The following ZPBP variants were observed in gnomAD, a reference collection of about 807,000 sequenced individuals.
ZPBP encodes zona pellucida binding protein.
ZPBP carries 26 observed loss-of-function variants against 44.8 expected under a neutral mutation model. The observed-to-expected ratio is 0.58, with a 90% CI of 0.43 to 0.81. The LOEUF (loss-of-function observed/expected upper bound fraction) is 0.81. Among genes scored for constraint, ZPBP ranks in the 30% least tolerant of loss-of-function variants. ZPBP has a pLI of 0.00. For synonymous variants in ZPBP, 174 were observed against 153.2 expected, an observed-to-expected ratio of 1.14 and a Z score of -1.00; for missense variants, 409 against 434.0, an observed-to-expected ratio of 0.94 and a Z score of 0.51.
intron 5 of ZPBP, among the ~76,000 whole-genome samples, chr7:50,021,685 A>G (rs1360477038): frequency 6.6e-6 from 1 of 152,138 alleles, no homozygotes; most frequent in Non-Finnish European, 1.5e-5. Context: ...GGGTAAATAC[A>G]AGGAATCCCA....
chr7:50,060,133 T>C (rs1163099909), intron 3 of ZPBP, among the ~76,000 whole-genome samples: 1 of 152,162 alleles, frequency 6.6e-6, no homozygotes, highest in Admixed American at 6.5e-5. Flanking sequence ...CCACTCTCAC[T>C]ATGGAACTCT....
intron 3 of ZPBP, among the ~76,000 whole-genome samples, chr7:50,065,255 C>T (rs1801443327): frequency 7.2e-6 from 1 of 139,010 alleles, no homozygotes; most frequent in Admixed American, 6.9e-5. Context: ...TGCCCTCATC[C>T]ATTTAGCCAG....
chr7:50,080,540 A>C (rs1282699398), intron 3 of ZPBP, among the ~76,000 whole-genome samples: 1 of 151,706 alleles, frequency 6.6e-6, no homozygotes, highest in East Asian at 1.9e-4. Context: ...TCAAATTTCA[A>C]TTTCCAAATC....
chr7:50,070,536 C>T (rs892072502), intron 3 of ZPBP, among the ~76,000 whole-genome samples: 1 of 152,110 alleles, frequency 6.6e-6, no homozygotes, highest in Non-Finnish European at 1.5e-5. Flanking sequence ...GTCCCACAGG[C>T]AAAGGAGACA....
rs1235390157 is a variant in ZPBP at position 50,058,079 on chromosome 7, T to C, written c.397A>G (p.Ser133Gly). The change falls in exon 4 of 8, where the codon AGT becomes GGT. Residue 133 changes from serine (S) to glycine (G), a missense_variant. Around this residue, in one of 2 missense-constraint regions of ZPBP, gnomAD observed 367 missense variants for 363.1 expected, o/e 1.01. Coordinates refer to ENST00000046087, the MANE Select transcript of ZPBP (RefSeq NM_007009.3). ...GSLVFQNFEE[S>G]MSGIYTCFLE... The stretch of plus-strand genomic sequence containing the variant: ...AAACATGTATAAATTCCACTCATAC[T>C]CTCCTCAAAATTTTGGAATACAAGG... 5.0e-6 allele frequency: 8 copies of C among 1,613,716 alleles called. No homozygotes were observed. The highest frequency in any genetic ancestry group is 2.2e-5 in the East Asian group (1 of 44,856).
intron 2 of ZPBP, among the ~76,000 whole-genome samples, chr7:49,893,780 G>T (rs1162753821): frequency 1.3e-5 from 2 of 152,018 alleles, no homozygotes; most frequent in Admixed American, 1.3e-4. Context: ...AGTCAGAGCT[G>T]GTGCTAAGGA....
intron 1 of ZPBP, among the ~76,000 whole-genome samples, chr7:49,909,246 T>C (rs1793270346): frequency 6.6e-6 from 1 of 152,184 alleles, no homozygotes; most frequent in African/African-American, 2.4e-5. Context: ...GGCTTCTCTG[T>C]GCAAAGCACG....
intron 4 of ZPBP, among the ~76,000 whole-genome samples, chr7:50,040,087 A>C (rs760303905): frequency 6.6e-6 from 1 of 152,226 alleles, no homozygotes; most frequent in Non-Finnish European, 1.5e-5. Flanking sequence ...ACACATGAAG[A>C]ATATGGAAAC....
At chr7:50,078,797 G>A (rs1174433517) in intron 3 of ZPBP, among the ~76,000 whole-genome samples, 2 of 150,882 alleles carry the variant, frequency 1.3e-5, no homozygotes, top group African/African-American at 4.9e-5. Flanking sequence ...GGGAGAAAAT[G>A]TTTGCAAACT....
intron 5 of ZPBP, among the ~76,000 whole-genome samples, chr7:50,027,811 C>T (rs1022757199): frequency 1.3e-5 from 2 of 151,816 alleles, no homozygotes; most frequent in African/African-American, 4.8e-5. Flanking sequence ...AATTAAGTAA[C>T]CTAAATGAAA....
At chr7:49,905,826 G>A (rs769093146) in intron 1 of ZPBP, among the ~76,000 whole-genome samples, 15 of 152,212 alleles carry the variant, frequency 9.9e-5, no homozygotes, top group Non-Finnish European at 2.1e-4. Context: ...AAAACAGGCT[G>A]CAGTAAAGAA....
chr7:49,852,563 A>G lies in ZPBP; in HGVS notation n.510-2049T>C, dbSNP rs546052726. ...GAAGATCATACCTGGGGATAATGCT[A>G]TTTAGTGGTTTTTCCTGTTTCTGTG... On this transcript the variant is annotated intron_variant and non_coding_transcript_variant, in intron 2 of 2. Transcript: ENST00000465922. 4.0e-5 allele frequency among the ~76,000 whole-genome samples: 6 copies of G among 151,738 alleles called. No homozygotes were observed. The South Asian group carries it at 1.0e-3, about 26-fold the overall frequency.
chr7:49,925,811 C>T (rs1268963581), intron 1 of ZPBP, among the ~76,000 whole-genome samples: 2 of 152,216 alleles, frequency 1.3e-5, no homozygotes, highest in Non-Finnish European at 2.9e-5. Context: ...CACTGTCTTT[C>T]AGATCTCCCT....
At chr7:50,073,205 A>T (rs960207252) in intron 3 of ZPBP, among the ~76,000 whole-genome samples, 1 of 152,128 alleles carries the variant, frequency 6.6e-6, no homozygotes, top group Non-Finnish European at 1.5e-5. Context: ...TTTAACAAAG[A>T]AATTGAAATA....
chr7:49,852,519 T>C (rs556425015), intron 2 of ZPBP, among the ~76,000 whole-genome samples: 222 of 152,226 alleles, frequency 1.5e-3, no homozygotes, highest in Non-Finnish European at 2.7e-3. Flanking sequence ...CTTCTTAAAA[T>C]TGGGGGGGCA....
intron 3 of ZPBP, 28 bp from the exon 4 acceptor site, chr7:50,058,169 T>C (rs200882825): frequency 6.8e-6 from 11 of 1,612,208 alleles, no homozygotes; most frequent in Non-Finnish European, 9.3e-6. Flanking sequence ...AGTTACGAGT[T>C]GCTTAAATTA....
chr7:49,848,795 T>C (rs1039790966), downstream of ZPBP, among the ~76,000 whole-genome samples: 3 of 152,254 alleles, frequency 2.0e-5, no homozygotes, highest in African/African-American at 4.8e-5. Flanking sequence ...CCTTAAATTA[T>C]TTTTTATGCC....
At chr7:49,906,293 A>C (rs1793084175) in intron 1 of ZPBP, among the ~76,000 whole-genome samples, 1 of 152,194 alleles carries the variant, frequency 6.6e-6, no homozygotes, top group Non-Finnish European at 1.5e-5. Flanking sequence ...AATTCAAAAA[A>C]GAACAAAGAG....
intron 3 of ZPBP, among the ~76,000 whole-genome samples, chr7:50,081,302 A>C (rs1182706574): frequency 6.6e-6 from 1 of 151,784 alleles, no homozygotes; most frequent in East Asian, 1.9e-4. Flanking sequence ...TCAAAATGAA[A>C]ATTCATTAAT....
Sources: gnomAD v4.1 joint callset for allele counts (sites outside exome capture counted in the v4.1 genomes callset) on GRCh38, gnomAD v4.1.1 for gene constraint, gnomAD v4.1.1 regional missense constraint, MANE v1.5 for transcripts, NCBI Gene and HGNC (gene_info 2026-07-23, HGNC 2026-07-21) for gene names.